Variants in DST observed in about 807,000 individuals in gnomAD.
DST encodes the protein dystonin, also known as bullous pemphigoid antigen.
Under a neutral mutation model 875.2 loss-of-function variants are expected in DST, and 253 were observed. That is an observed-to-expected ratio of 0.29 (90% CI 0.26 to 0.32). DST has a LOEUF of 0.32. Among genes scored for constraint, DST ranks in the 10% least tolerant of loss-of-function variants. The probability of loss-of-function intolerance (pLI) is 1.00; values close to 1 mark genes in which losing one functional copy is unlikely to be tolerated. For synonymous variants in DST, 3,124 were observed against 3,197.1 expected (o/e 0.98, Z 0.77); for missense variants, 8,287 against 9,111.6 (o/e 0.91, Z 3.68).
In DST at chr6:56,555,613, C is replaced by T; in HGVS notation, c.14868G>A (p.Leu4956=). 6.2e-7 allele frequency: 1 copy of T among 1,614,030 alleles called. No individual in the cohort carries two copies. Among genetic ancestry groups the T allele is most frequent in the Non-Finnish European group, 8.5e-7 (1 of 1,179,904 alleles). Residue 4956 remains leucine (L), a synonymous_variant, in exon 60 of 104, where the codon CTG becomes CTA. Coordinates refer to ENST00000680361, the MANE Select transcript of DST (RefSeq NM_001374736.1). The stretch of plus-strand genomic sequence containing the variant: ...CACTCAGTTTATCAGAAAGGCTTCT[C>T]AGCAGGCTTTGATACTGTGTGCTTT... The part of the protein sequence containing the change: ...IVKSTQYQSL[L]RSLSDKLSDL...
At chr6:56,942,731 T>A (rs1295045149) in intron 2 of DST, among the ~76,000 whole-genome samples, 4 of 70,678 alleles carry the variant, frequency 5.7e-5, no homozygotes, top group African/African-American at 1.6e-4. Context: ...TTTTTTTTTT[T>A]AAGAGATAGG....
rs2152559945 is a variant in DST, at chr6:56,555,741, G to A, written c.14740C>T (p.Arg4914Cys). ...LSRPGEDPSL[R>C]GIVKEQLAAV... The stretch of plus-strand genomic sequence containing the variant: ...GCCAGTTGCTCTTTCACAATCCCAC[G>A]TAAAGAAGGGTCTTCTCCAGGCCTG... The change falls in exon 60 of 104, where the codon CGT becomes TGT. Residue 4914 changes from arginine to cysteine, a missense_variant. Around this residue, in one of 10 missense-constraint regions of DST, gnomAD observed 1,513 missense variants for 1,677.8 expected, o/e 0.90. Coordinates refer to ENST00000680361, the MANE Select transcript of DST (RefSeq NM_001374736.1). 8.1e-6 allele frequency: 13 copies of A among 1,605,484 alleles called. No individual in the cohort carries two copies. The highest frequency in any genetic ancestry group is 2.7e-5 in the African/African-American group (2 of 74,852).
chr6:56,726,864 G>A (rs1261245025), intron 5 of DST, among the ~76,000 whole-genome samples: 1 of 152,168 alleles, frequency 6.6e-6, no homozygotes, highest in Non-Finnish European at 1.5e-5. Context: ...AAACAGCAGT[G>A]TATCAGACAA....
Position 56,721,192 on chromosome 6 carries a change from G to GC in DST, c.687+14035dup, listed in dbSNP as rs1205568924. On this transcript the variant is annotated intron_variant, in intron 5 of 103. Transcript: ENST00000680361. Reference sequence around the variant, plus strand: ...TGGGGCGGCTGCCGGGCGGGGGTGCGCCCCCCACCTCCCAGATGGGGCAGC... The same window carrying GC: ...TGGGGCGGCTGCCGGGCGGGGGTGCGCCCCCCCACCTCCCAGATGGGGCAGC... Among the ~76,000 whole-genome samples, 4 of 90,522 alleles carry GC rather than the reference G, an allele frequency of 4.4e-5. No individual in the cohort carries two copies. In the East Asian group the frequency reaches 6.2e-4, roughly 14 times the overall value. The allele number at this position is 90,522 out of a possible 152,430, so 59.4% of individuals were successfully genotyped here.
At chr6:56,674,804 A>C (rs1227192574) in intron 9 of DST, among the ~76,000 whole-genome samples, 2 of 152,232 alleles carry the variant, frequency 1.3e-5, no homozygotes, top group African/African-American at 4.8e-5. Context: ...CATGAATTTG[A>C]AGAATTAACA....
intron 73 of DST, 135 bp from the exon 74 acceptor site, chr6:56,510,008 A>G (rs2096437197): frequency 2.8e-6 from 2 of 708,678 alleles, no homozygotes; most frequent in Admixed American, 6.2e-5. Context: ...CAACAGACCC[A>G]TTCAAAAGTT....
chr6:56,497,299 G>C (rs1284007557), intron 82 of DST, 80 bp downstream of exon 82: 1 of 1,509,266 alleles, frequency 6.6e-7, no homozygotes, highest in South Asian at 1.3e-5. Flanking sequence ...CTTCTCCCAC[G>C]ATTTATGTAT....
intron 69 of DST, among the ~76,000 whole-genome samples, chr6:56,523,541 G>T (rs1562542439): frequency 6.6e-6 from 1 of 152,094 alleles, no homozygotes; most frequent in Non-Finnish European, 1.5e-5. Flanking sequence ...AATACATTCT[G>T]CGATTGTGGC....
Position 56,639,554 on chromosome 6 carries a change from C to T in DST, c.2755G>A (p.Ala919Thr), listed in dbSNP as rs756083145. Residue 919 changes from alanine (A) to threonine (T), a missense_variant, in exon 21 of 104, where the codon GCG becomes ACG. Physicochemically the swap from Ala to Thr is moderately conservative, Grantham distance 58 (BLOSUM62 0). Coordinates refer to ENST00000680361, the MANE Select transcript of DST (RefSeq NM_001374736.1). ...TTCAACCAAATAAGTTCATTAGTCG[C>T]ACGACTTACAAAATTATGGAGTGTA... ...LDTLHNFVSR[A>T]TNELIWLNEK... 3.2e-5 allele frequency: 51 copies of T among 1,613,660 alleles called. No individual in the cohort carries two copies. The highest frequency in any genetic ancestry group is 4.2e-5 in the Non-Finnish European group (49 of 1,179,892).
At chr6:56,792,047 T>C (rs1044964398) in intron 4 of DST, among the ~76,000 whole-genome samples, 6 of 152,066 alleles carry the variant, frequency 3.9e-5, no homozygotes, top group African/African-American at 1.4e-4. Context: ...TAAAGATTAC[T>C]GAGAATATGG....
At chr6:56,919,660 A>G (rs1179664094) in intron 2 of DST, among the ~76,000 whole-genome samples, 1 of 152,178 alleles carries the variant, frequency 6.6e-6, no homozygotes, top group East Asian at 1.9e-4. Context: ...GGATATATAT[A>G]TTTGGGCCAG....
chr6:56,815,769 T>C (rs1370934303), intron 4 of DST, among the ~76,000 whole-genome samples: 1 of 151,702 alleles, frequency 6.6e-6, no homozygotes, highest in African/African-American at 2.4e-5. Flanking sequence ...CACTCTAATT[T>C]AAATATTTTA....
In DST at chr6:56,938,108, C is replaced by A. The variant is rs12208759; in HGVS notation, c.216+15677G>T. Among the ~76,000 whole-genome samples, 610 of 120,732 alleles carry A rather than the reference C, an allele frequency of 5.1e-3. 5 individuals are homozygous for A. The highest frequency in any genetic ancestry group is 0.011 in the South Asian group (41 of 3,828). The allele number at this position is 120,732 out of a possible 152,430, so 79.2% of individuals were successfully genotyped here. A position where few individuals can be genotyped will look rare whatever the true frequency, so the allele number is the denominator to read the frequency against. ...TCTCTCTCTCTCTCTCTCTCTCTCTCTATATATATATATATATATATATGT... is the reference window on the plus strand; with the variant it reads ...TCTCTCTCTCTCTCTCTCTCTCTCTATATATATATATATATATATATATGT... On this transcript the variant is annotated intron_variant, in intron 2 of 103. Coordinates refer to ENST00000680361, the MANE Select transcript of DST (RefSeq NM_001374736.1).
chr6:56,463,608 G>A lies in DST; in HGVS notation c.22916C>T (p.Ala7639Val), dbSNP rs201429821. 2.1e-3 allele frequency: 3,356 copies of A among 1,609,280 alleles called. 13 individuals are homozygous for A. Among genetic ancestry groups the A allele is most frequent in the Non-Finnish European group, 2.1e-3 (2,518 of 1,176,458 alleles). Residue 7639 changes from alanine to valine, a missense_variant, in exon 101 of 104, where the codon GCG (alanine) becomes GTG (valine). By Grantham distance (64) the Ala-to-Val change is moderately conservative. This residue lies in a region of DST where 240 missense variants were observed against 237.3 expected (regional missense o/e 1.01). Coordinates refer to ENST00000680361, the MANE Select transcript of DST (RefSeq NM_001374736.1). ...NRSTSVSSQA[A>V]QAASPQVPAT... is the part of the protein sequence containing the mutation. The stretch of plus-strand genomic sequence containing the variant: ...AGGGACCTGTGGGGAGGCCGCCTGC[G>A]CAGCCTGACTGGACACAGAAGTGGA...
At chr6:56,681,595 C>T (rs925397318) in intron 9 of DST, among the ~76,000 whole-genome samples, 1 of 152,164 alleles carries the variant, frequency 6.6e-6, no homozygotes, top group Non-Finnish European at 1.5e-5. Flanking sequence ...AATAGCAGTA[C>T]CTCTTGTGTG....
intron 59 of DST, among the ~76,000 whole-genome samples, chr6:56,556,854 C>T (rs1452478345): frequency 3.3e-5 from 5 of 152,168 alleles, no homozygotes; most frequent in Non-Finnish European, 5.9e-5. Flanking sequence ...TCTTTGTCCT[C>T]TTCTCATTCT....
At chr6:56,584,321 T>A (rs1212103309) in intron 49 of DST, among the ~76,000 whole-genome samples, 1 of 152,078 alleles carries the variant, frequency 6.6e-6, no homozygotes, top group South Asian at 2.1e-4. Flanking sequence ...CCCTTGTAAG[T>A]TGGATTCCTA....
chr6:56,653,673 G>A (rs1406869853), intron 10 of DST, among the ~76,000 whole-genome samples: 9 of 151,964 alleles, frequency 5.9e-5, no homozygotes, highest in South Asian at 2.1e-4. Flanking sequence ...CAACAAGAGC[G>A]AAACTCCATC....
At chr6:56,886,458 C>T (rs141333752) in intron 3 of DST, among the ~76,000 whole-genome samples, 2 of 152,122 alleles carry the variant, frequency 1.3e-5, no homozygotes, top group South Asian at 2.1e-4. Flanking sequence ...TACTTAACTA[C>T]GAAGTACTAC....
Sources: gnomAD v4.1 joint callset for allele counts (sites outside exome capture counted in the v4.1 genomes callset) on GRCh38, gnomAD v4.1.1 for gene constraint, gnomAD v4.1.1 regional missense constraint, MANE v1.5 for transcripts, NCBI Gene and HGNC (gene_info 2026-07-23, HGNC 2026-07-21) for gene names.